STX8: variants seen among roughly 807,000 people sequenced by gnomAD.
STX8 encodes the protein syntaxin 8.
A neutral mutation model predicts 37.5 loss-of-function variants in STX8; 23 were observed. That is an observed-to-expected ratio of 0.61 (90% CI 0.44 to 0.87). The LOEUF (loss-of-function observed/expected upper bound fraction) is 0.87. Among genes scored for constraint, STX8 ranks in the 40% least tolerant of loss-of-function variants. The probability of loss-of-function intolerance (pLI) is 0.00; values close to 1 mark genes in which losing one functional copy is unlikely to be tolerated. For synonymous variants in STX8, 115 were observed against 99.1 expected, an observed-to-expected ratio of 1.16 and a Z score of -0.95; for missense variants, 313 against 284.7, an observed-to-expected ratio of 1.10 and a Z score of -0.71.
intron 6 of STX8, among the ~76,000 whole-genome samples, chr17:9,430,142 AATT>A (rs1209116970): frequency 9.9e-6 from 1 of 101,148 alleles, no homozygotes; most frequent in African/African-American, 3.8e-5. Flanking sequence ...AAATATATAT[AATT>A]TATATATAAA....
intron 6 of STX8, among the ~76,000 whole-genome samples, chr17:9,382,704 A>G (rs1911865336): frequency 6.6e-6 from 1 of 152,238 alleles, no homozygotes; most frequent in Admixed American, 6.5e-5. Flanking sequence ...AGACTTCTTG[A>G]AAAGGAGTAT....
At chr17:9,448,348 A>T (rs1177488499) in intron 6 of STX8, among the ~76,000 whole-genome samples, 2 of 152,124 alleles carry the variant, frequency 1.3e-5, no homozygotes, top group East Asian at 3.8e-4. Flanking sequence ...GCACACTCCT[A>T]ACTGAGGCTG....
intron 2 of STX8, among the ~76,000 whole-genome samples, chr17:9,563,938 T>C (rs1907354132): frequency 6.6e-6 from 1 of 152,158 alleles, no homozygotes; most frequent in African/African-American, 2.4e-5. Context: ...TGGTTCAACA[T>C]ATGCAAAACA....
chr17:9,530,984 C>G (rs1228785010), intron 4 of STX8, among the ~76,000 whole-genome samples: 1 of 152,186 alleles, frequency 6.6e-6, no homozygotes, highest in African/African-American at 2.4e-5. Flanking sequence ...GGAATTATTT[C>G]TTATGTAGGG....
chr17:9,508,698 G>C (rs561387466), intron 4 of STX8, among the ~76,000 whole-genome samples: 2 of 152,256 alleles, frequency 1.3e-5, no homozygotes, highest in South Asian at 4.2e-4. Context: ...AAGTAAAATG[G>C]AATGAAGAAA....
chr17:9,435,028 T>G (rs906185155), intron 6 of STX8, among the ~76,000 whole-genome samples: 9 of 152,186 alleles, frequency 5.9e-5, no homozygotes, highest in African/African-American at 1.9e-4. Flanking sequence ...GCTTCTTCAC[T>G]GCACGCCCTG....
intron 7 of STX8, among the ~76,000 whole-genome samples, chr17:9,375,846 C>T (rs73255897): frequency 0.011 from 1,639 of 152,166 alleles, 32 homozygotes; most frequent in African/African-American, 0.036. Context: ...ATGGGAAAAT[C>T]GTGGCAAAAG....
intron 7 of STX8, among the ~76,000 whole-genome samples, chr17:9,330,118 G>A (rs968206369): frequency 6.6e-6 from 1 of 152,150 alleles, no homozygotes; most frequent in African/African-American, 2.4e-5. Context: ...AGGAGGCAGA[G>A]TCCCTCCGTA....
intron 7 of STX8, among the ~76,000 whole-genome samples, chr17:9,265,237 A>C (rs1380484258): frequency 6.6e-6 from 1 of 152,238 alleles, no homozygotes; most frequent in Non-Finnish European, 1.5e-5. Flanking sequence ...TAGATGTCCT[A>C]AAGAGTCAAA....
intron 7 of STX8, among the ~76,000 whole-genome samples, chr17:9,272,900 C>T (rs1335810040): frequency 6.6e-6 from 1 of 152,212 alleles, no homozygotes; most frequent in East Asian, 1.9e-4. Flanking sequence ...ACACTCTCCG[C>T]GCCATTCCTT....
intron 6 of STX8, among the ~76,000 whole-genome samples, chr17:9,472,871 C>T (rs1281455344): frequency 3.9e-5 from 6 of 152,112 alleles, no homozygotes; most frequent in Non-Finnish European, 7.3e-5. Flanking sequence ...AGCCTGGCTG[C>T]GTGGCCAGGG....
At chr17:9,302,535 A>G (rs1455623987) in intron 7 of STX8, among the ~76,000 whole-genome samples, 1 of 152,152 alleles carries the variant, frequency 6.6e-6, no homozygotes, top group Non-Finnish European at 1.5e-5. Flanking sequence ...CTGTGCTTAA[A>G]TAGCCACCCT....
intron 6 of STX8, among the ~76,000 whole-genome samples, chr17:9,442,187 C>G (rs1029826732): frequency 6.6e-6 from 1 of 152,218 alleles, no homozygotes; most frequent in Non-Finnish European, 1.5e-5. Context: ...ATCTATGCAG[C>G]TGCCTGAGGC....
chr17:9,444,839 G>A (rs960602686), intron 6 of STX8, among the ~76,000 whole-genome samples: 4 of 152,104 alleles, frequency 2.6e-5, no homozygotes, highest in East Asian at 3.9e-4. Flanking sequence ...TCTTTACCCC[G>A]GAAAAGAATT....
At chr17:9,484,278 T>C (rs1462893329) in intron 6 of STX8, among the ~76,000 whole-genome samples, 1 of 150,906 alleles carries the variant, frequency 6.6e-6, no homozygotes, top group Non-Finnish European at 1.5e-5. Flanking sequence ...GACAAGTAAA[T>C]GTCAATCAGT....
intron 6 of STX8, among the ~76,000 whole-genome samples, chr17:9,382,056 T>C (rs977383169): frequency 2.0e-5 from 3 of 152,084 alleles, no homozygotes; most frequent in Non-Finnish European, 2.9e-5. Context: ...TTCTATACAA[T>C]ACTCAGAACA....
chr17:9,408,874 G>A (rs1912886854), intron 6 of STX8, among the ~76,000 whole-genome samples: 1 of 152,164 alleles, frequency 6.6e-6, no homozygotes, highest in Non-Finnish European at 1.5e-5. Flanking sequence ...AGGGTCCTAT[G>A]CAGGTCCAGG....
intron 6 of STX8, among the ~76,000 whole-genome samples, chr17:9,379,583 A>T (rs1044191627): frequency 1.2e-4 from 19 of 152,324 alleles, no homozygotes; most frequent in African/African-American, 4.6e-4. Flanking sequence ...AGTTAATCAT[A>T]CAGAAACTTG....
chr17:9,467,437 A>G (rs1905664038), intron 6 of STX8: 1 of 152,174 alleles, frequency 6.6e-6, no homozygotes, highest in African/African-American at 2.4e-5. Context: ...TGGGTTAAGG[A>G]ACAGAATGAA....
Sources: gnomAD v4.1 joint callset for allele counts (sites outside exome capture counted in the v4.1 genomes callset) on GRCh38, gnomAD v4.1.1 for gene constraint, MANE v1.5 for transcripts, NCBI Gene and HGNC (gene_info 2026-07-23, HGNC 2026-07-21) for gene names.